Variants in SMURF2 observed in about 807,000 individuals in gnomAD.
SMURF2 encodes the protein SMAD specific E3 ubiquitin protein ligase 2, also known as E3 ubiquitin-protein ligase SMURF2.
A neutral mutation model predicts 109.6 loss-of-function variants in SMURF2; 48 were observed. The ratio of observed to expected loss-of-function variants is 0.44; its 90% CI spans 0.35 to 0.56. The LOEUF (loss-of-function observed/expected upper bound fraction) is 0.56. Among genes scored for constraint, SMURF2 ranks in the 20% least tolerant of loss-of-function variants. SMURF2 has a pLI of 0.01. For missense variants in SMURF2, 575 were observed against 909.0 expected, an observed-to-expected ratio of 0.63 and a Z score of 4.72; for synonymous variants, 288 against 317.1, an observed-to-expected ratio of 0.91 and a Z score of 0.97.
At chr17:64,555,249 A>T (rs1969102196) in intron 14 of SMURF2, among the ~76,000 whole-genome samples, 1 of 152,194 alleles carries the variant, frequency 6.6e-6, no homozygotes, top group Non-Finnish European at 1.5e-5. Flanking sequence ...AGAACCACCA[A>T]TATAGGACAA....
intron 10 of SMURF2, among the ~76,000 whole-genome samples, chr17:64,564,995 A>G (rs1555684825): frequency 2.6e-5 from 4 of 152,208 alleles, no homozygotes; most frequent in Admixed American, 2.0e-4. Flanking sequence ...CACTGTGGTG[A>G]TGGTTTCATG....
At chr17:64,637,273 C>G (rs1970429842) in intron 1 of SMURF2, among the ~76,000 whole-genome samples, 1 of 151,496 alleles carries the variant, frequency 6.6e-6, no homozygotes, top group Non-Finnish European at 1.5e-5. Flanking sequence ...ATTACAGGTG[C>G]CTGCCACCAT....
At chr17:64,621,086 T>C (rs1228029172) in intron 1 of SMURF2, among the ~76,000 whole-genome samples, 1 of 152,218 alleles carries the variant, frequency 6.6e-6, no homozygotes, top group African/African-American at 2.4e-5. Context: ...TAAAATTTTA[T>C]TTGCCTTGTT....
At chr17:64,638,102 G>A (rs2046514330) in intron 1 of SMURF2, among the ~76,000 whole-genome samples, 2 of 113,504 alleles carry the variant, frequency 1.8e-5, no homozygotes, top group South Asian at 5.5e-4. Flanking sequence ...TCACTCTGTT[G>A]CCCAGGCTGG....
chr17:64,552,588 G>A lies in SMURF2; in HGVS notation c.1749-884C>T, dbSNP rs1399409823. On this transcript the variant is annotated intron_variant, in intron 15 of 18. Transcript: ENST00000262435. ...ACTGTAGTTGGCAAGGGATTATTAC[G>A]TGCTGTAAACACGACTGAACCCTGA... Among the ~76,000 whole-genome samples the A allele has an allele frequency of 5.9e-5, 9 of 152,272 alleles. No homozygotes were observed. In the East Asian group the frequency reaches 1.3e-3, roughly 23 times the overall value.
Position 64,580,997 on chromosome 17 carries a change from GA to G in SMURF2, c.570-7del. The G allele has an allele frequency of 6.2e-7, 1 of 1,613,712 alleles. No homozygotes were observed. Among genetic ancestry groups the G allele is most frequent in the Non-Finnish European group, 8.5e-7 (1 of 1,179,746 alleles). On this transcript the variant is annotated splice_region_variant and splice_polypyrimidine_tract_variant and intron_variant, in intron 7 of 18. Transcript: ENST00000262435. ...TAGAATATTCGGATGCCGGTCTATT[GA>G]AAATTAACAAGGAAAAGATGTTATC...
chr17:64,606,411 G>A (rs956974445), intron 2 of SMURF2, among the ~76,000 whole-genome samples, 191 bp downstream of exon 2: 1 of 151,954 alleles, frequency 6.6e-6, no homozygotes, highest in African/African-American at 2.4e-5. Context: ...AAAAGGAAAG[G>A]GCTAAGCCTA....
chr17:64,575,473 A>G (rs1969477234), intron 9 of SMURF2, among the ~76,000 whole-genome samples: 1 of 152,024 alleles, frequency 6.6e-6, no homozygotes, highest in African/African-American at 2.4e-5. Flanking sequence ...TTTAAAAACT[A>G]ACAGCTTATA....
chr17:64,614,927 A>C (rs1970100996), intron 1 of SMURF2, among the ~76,000 whole-genome samples: 1 of 152,246 alleles, frequency 6.6e-6, no homozygotes, highest in Non-Finnish European at 1.5e-5. Context: ...TGGAAATCTT[A>C]TACTTCATTT....
rs552634064 is a variant in SMURF2 at position 64,562,326 on chromosome 17, A to G, written c.1212+445T>C. ...AAAAAAAAAAAAAGAGAGAGAGAGAAAAATTAGCACTCTCGGTATTCTTGG... is the reference window on the plus strand; with the variant it reads ...AAAAAAAAAAAAAGAGAGAGAGAGAGAAATTAGCACTCTCGGTATTCTTGG... On this transcript the variant is annotated intron_variant, in intron 11 of 18. Coordinates refer to ENST00000262435, the MANE Select transcript of SMURF2 (RefSeq NM_022739.4). 2.3e-3 allele frequency among the ~76,000 whole-genome samples: 348 copies of G among 150,596 alleles called. 5 individuals are homozygous for G. The highest frequency in any genetic ancestry group is 1.2e-3 in the East Asian group (6 of 5,158).
chr17:64,616,407 T>C (rs1555690108), intron 1 of SMURF2, among the ~76,000 whole-genome samples: 1 of 151,672 alleles, frequency 6.6e-6, no homozygotes, highest in African/African-American at 2.4e-5. Context: ...TCCCAGCACT[T>C]TGGGAGGCTG....
intron 1 of SMURF2, among the ~76,000 whole-genome samples, chr17:64,631,157 C>T (rs1316764891): frequency 2.0e-5 from 3 of 149,686 alleles, no homozygotes; most frequent in Non-Finnish European, 4.4e-5. Flanking sequence ...TACAAATTAG[C>T]CGGGTGTGGT....
At chr17:64,583,565 G>A (rs1555686781) in intron 6 of SMURF2, 21 bp from the exon 7 acceptor site, 1 of 1,587,836 alleles carries the variant, frequency 6.3e-7, no homozygotes, top group Admixed American at 1.7e-5. Flanking sequence ...AATATTGAGT[G>A]ATAAGGCATT....
At chr17:64,643,702 C>A (rs544910185) in intron 1 of SMURF2, among the ~76,000 whole-genome samples, 2 of 152,344 alleles carry the variant, frequency 1.3e-5, no homozygotes, top group African/African-American at 4.8e-5. Context: ...TGCTTCATTA[C>A]ACTCTTTGAC....
intron 3 of SMURF2, among the ~76,000 whole-genome samples, chr17:64,596,113 T>C (rs1231885972): frequency 6.6e-6 from 1 of 152,020 alleles, no homozygotes; most frequent in Admixed American, 6.6e-5. Flanking sequence ...TATATACATA[T>C]ATGTGTAAGT....
At chr17:64,596,750 C>T (rs1314868446) in intron 3 of SMURF2, among the ~76,000 whole-genome samples, 6 of 151,980 alleles carry the variant, frequency 3.9e-5, no homozygotes, top group African/African-American at 1.4e-4. Flanking sequence ...GGAGGGTTAT[C>T]TCCAAGAAGA....
Position 64,583,586 on chromosome 17 carries a change from T to G in SMURF2, c.486-42A>C, listed in dbSNP as rs539266843. 43 of 1,477,304 alleles carry G rather than the reference T, an allele frequency of 2.9e-5. No individual in the cohort carries two copies. The South Asian group carries it at 4.9e-4, about 17-fold the overall frequency. 91.5% of individuals were successfully genotyped at this position (1,477,304 alleles called of 1,614,324 possible). ...GAGTGATAAGGCATTAATAGGAAAC[T>G]TGGACACAGTGCAACAAGCAAGCCA... On this transcript the variant is annotated intron_variant, in intron 6 of 18. Transcript: ENST00000262435.
intron 2 of SMURF2, among the ~76,000 whole-genome samples, chr17:64,601,606 T>C (rs1555688581): frequency 6.6e-6 from 1 of 152,168 alleles, no homozygotes; most frequent in African/African-American, 2.4e-5. Context: ...GGTAGTAATG[T>C]AAACTAGTAC....
chr17:64,584,434 C>T (rs1257988206), intron 6 of SMURF2, among the ~76,000 whole-genome samples: 1 of 145,616 alleles, frequency 6.9e-6, no homozygotes, highest in Non-Finnish European at 1.5e-5. Context: ...TCTCAGCTCA[C>T]TGCAACCTAC....
Sources: allele counts gnomAD v4.1 joint callset (sites outside exome capture counted in the v4.1 genomes callset), GRCh38; gene constraint gnomAD v4.1.1; transcripts MANE v1.5; gene names NCBI Gene and HGNC (gene_info 2026-07-23, HGNC 2026-07-21).